The following KCNAB2 variants were observed in gnomAD, a reference collection of about 807,000 sequenced individuals.
KCNAB2 encodes potassium voltage-gated channel subfamily A regulatory beta subunit 2.
KCNAB2 carries 29 observed loss-of-function variants against 63.6 expected under a neutral mutation model. The ratio of observed to expected loss-of-function variants is 0.46; its 90% CI spans 0.34 to 0.62. The LOEUF (loss-of-function observed/expected upper bound fraction) is 0.62. KCNAB2 is among the 20% of genes least tolerant of loss of function. KCNAB2 has a pLI of 0.01. For synonymous variants in KCNAB2, 222 were observed against 224.2 expected (o/e 0.99, Z 0.09); for missense variants, 359 against 563.9 (o/e 0.64, Z 3.68).
At chr1:6,098,329 C>T in intron 15 of KCNAB2, 156 bp from the exon 16 acceptor site, 5 of 1,438,474 alleles carry the variant, frequency 3.5e-6, no homozygotes, top group Non-Finnish European at 2.7e-6. Flanking sequence ...AACACAAAAG[C>T]AGCGTGGCCT....
Position 6,065,337 on chromosome 1 carries a change from G to A in KCNAB2, c.219-7418G>A, listed in dbSNP as rs568033638. Among the ~76,000 whole-genome samples the A allele has an allele frequency of 7.2e-5, 11 of 152,346 alleles. No individual in the cohort carries two copies. In the East Asian group the frequency reaches 1.2e-3, roughly 16 times the overall value. On this transcript the variant is annotated intron_variant, in intron 2 of 15. Coordinates refer to ENST00000378083, the MANE Select transcript of KCNAB2 (RefSeq NM_001199862.2). ...CCTCAGGGGACCAGCCAAGGCAGGC[G>A]GCTTGTGCATCCTGCTTCATTAATA...
intron 1 of KCNAB2, among the ~76,000 whole-genome samples, chr1:6,008,677 T>C (rs1333465245): frequency 6.7e-6 from 1 of 149,934 alleles, no homozygotes; most frequent in South Asian, 2.1e-4. Flanking sequence ...GAAATGCTCC[T>C]GGTATCAACA....
rs935314199 is a variant in KCNAB2, at chr1:6,100,014, G to C, written c.*1440G>C. 1.2e-5 allele frequency: 18 copies of C among 1,536,630 alleles called. No homozygotes were observed. The highest frequency in any genetic ancestry group is 1.6e-5 in the Non-Finnish European group (18 of 1,139,920). ...CTGAAGCCACCCCCACCCCTCGCCA[G>C]CTAGCTCCATAGGGAAGCCTGTGTC... On this transcript the variant is annotated 3_prime_UTR_variant, in exon 16 of 16. Coordinates refer to ENST00000378083, the MANE Select transcript of KCNAB2 (RefSeq NM_001199862.2).
At position 6,098,131 on chromosome 1, in the gene KCNAB2, G is replaced by A. The variant is rs1020662397; in HGVS notation, c.1159-354G>A. On this transcript the variant is annotated intron_variant, in intron 15 of 15. Transcript: ENST00000378083. ...CGGGTGTGTCACCCGGAAGGGTGGC[G>A]GTGCTGTATGCTGAGGCAGGCGCAG... 2.5e-5 allele frequency: 26 copies of A among 1,028,566 alleles called. No individual in the cohort carries two copies. The South Asian group carries it at 2.7e-4, about 11-fold the overall frequency. The allele number at this position is 1,028,566 out of a possible 1,614,324, so 63.7% of individuals were successfully genotyped here.
In KCNAB2 at chr1:6,073,697, C is replaced by T. The variant is rs767683221; in HGVS notation, c.263-36C>T. 2.5e-6 allele frequency: 4 copies of T among 1,612,204 alleles called. No homozygotes were observed. The highest frequency in any genetic ancestry group is 3.4e-6 in the Non-Finnish European group (4 of 1,178,366). Reference sequence around the variant, plus strand: ...CCGACGGGATAATCTGGCTTCCTGCCAGGTTCCTAACTTGAGCCCCTGTGT... The same window carrying T: ...CCGACGGGATAATCTGGCTTCCTGCTAGGTTCCTAACTTGAGCCCCTGTGT... On this transcript the variant is annotated intron_variant, in intron 3 of 15. Coordinates refer to ENST00000378083, the MANE Select transcript of KCNAB2 (RefSeq NM_001199862.2). This position sits in a 1 kb window ranked among gnomAD's most constrained non-coding sequence, Gnocchi z 5.7.
At chr1:6,080,630 G>A (rs755539699) in intron 4 of KCNAB2, among the ~76,000 whole-genome samples, 20 of 152,092 alleles carry the variant, frequency 1.3e-4, no homozygotes, top group Non-Finnish European at 2.2e-4. Flanking sequence ...TGCCAGTGTC[G>A]CCAGGCTGCC....
intron 2 of KCNAB2, among the ~76,000 whole-genome samples, chr1:6,054,038 G>A (rs1315246229): frequency 7.6e-6 from 1 of 131,334 alleles, no homozygotes; most frequent in Admixed American, 8.2e-5. Flanking sequence ...GTGAGACCCT[G>A]TCTTAAAAAA....
chr1:6,019,758 T>G (rs974412519), intron 1 of KCNAB2, among the ~76,000 whole-genome samples: 4 of 152,180 alleles, frequency 2.6e-5, no homozygotes, highest in Admixed American at 6.5e-5. Flanking sequence ...TATTCATGGC[T>G]TAAGTCAGAA....
At chr1:6,089,490 G>A (rs1041171657) in intron 8 of KCNAB2, among the ~76,000 whole-genome samples, 2 of 152,212 alleles carry the variant, frequency 1.3e-5, no homozygotes, top group Admixed American at 1.3e-4. Context: ...GGGGTGTCTG[G>A]CTCTTGCTGT....
intron 10 of KCNAB2, among the ~76,000 whole-genome samples, chr1:6,093,013 C>T (rs978402664): frequency 4.6e-5 from 7 of 152,230 alleles, no homozygotes; most frequent in African/African-American, 9.6e-5. Context: ...ACTCAGGGAG[C>T]GACCCCCAAA....
Position 6,028,219 on chromosome 1 carries a change from C to T in KCNAB2, c.-52-12298C>T, listed in dbSNP as rs1659336773. 6.6e-6 allele frequency among the ~76,000 whole-genome samples: 1 copy of T among 152,192 alleles called. No homozygotes were observed. The highest frequency in any genetic ancestry group is 2.1e-4 in the South Asian group (1 of 4,826). On this transcript the variant is annotated intron_variant, in intron 1 of 16. Coordinates refer to the KCNAB2 transcript ENST00000341524. The surrounding 1 kb of genome is among the most constrained non-coding windows in gnomAD (Gnocchi z 4.0). ...AATGGGCTCCTGTGTGGGCTCCTGGCTTCTGGGTGAGAGGGGAAGTGTGTG... is the reference window on the plus strand; with the variant it reads ...AATGGGCTCCTGTGTGGGCTCCTGGTTTCTGGGTGAGAGGGGAAGTGTGTG...
chr1:6,090,311 A>C, intron 8 of KCNAB2, 78 bp from the exon 9 acceptor site: 1 of 1,002,290 alleles, frequency 1.0e-6, no homozygotes, highest in Admixed American at 2.1e-5. Flanking sequence ...TTGTTCCCTG[A>C]GCCGGGCATG....
intron 12 of KCNAB2, 26 bp downstream of exon 12, chr1:6,095,469 C>G: frequency 6.2e-7 from 1 of 1,611,538 alleles, no homozygotes; most frequent in Non-Finnish European, 8.5e-7. Flanking sequence ...CCCCTCGCCC[C>G]GCCCCACCCC....
At position 6,069,067 on chromosome 1, in the gene KCNAB2, C is replaced by T. The variant is rs1034208432; in HGVS notation, c.219-3688C>T. On this transcript the variant is annotated intron_variant, in intron 2 of 15. Coordinates refer to ENST00000378083, the MANE Select transcript of KCNAB2 (RefSeq NM_001199862.2). This position sits in a 1 kb window ranked among gnomAD's most constrained non-coding sequence, Gnocchi z 5.4. Reference sequence around the variant, plus strand: ...CCCAACATCGTCCCAAACAAGCACTCCCTGGGACCCTGCCACTGCCAGCTC... The same window carrying T: ...CCCAACATCGTCCCAAACAAGCACTTCCTGGGACCCTGCCACTGCCAGCTC... 3.3e-5 allele frequency among the ~76,000 whole-genome samples: 5 copies of T among 152,186 alleles called. No individual in the cohort carries two copies. Among genetic ancestry groups the T allele is most frequent in the African/African-American group, 9.6e-5 (4 of 41,454 alleles).
In KCNAB2 at chr1:6,090,489, G is replaced by A. The variant is rs768449882; in HGVS notation, c.601+14G>A. ...CCCCGATGGAAGGTAGGTGGTCTGC[G>A]GCGGCGCCACCGGTTAGGCCTGGGC... On this transcript the variant is annotated intron_variant, in intron 9 of 15. Transcript: ENST00000378083. 10 of 1,606,176 alleles carry A rather than the reference G, an allele frequency of 6.2e-6. No homozygotes were observed. Among genetic ancestry groups the A allele is most frequent in the Middle Eastern group, 1.7e-4 (1 of 5,894 alleles).
intron 1 of KCNAB2, among the ~76,000 whole-genome samples, chr1:5,998,739 C>T (rs1317207357): frequency 2.0e-5 from 3 of 152,196 alleles, no homozygotes; most frequent in Non-Finnish European, 2.9e-5. Context: ...CCAGGAGCAG[C>T]GAGGGGGCGC....
chr1:6,029,213 G>T (rs770023520), intron 1 of KCNAB2, among the ~76,000 whole-genome samples: 5 of 151,004 alleles, frequency 3.3e-5, no homozygotes, highest in Non-Finnish European at 7.4e-5. Context: ...AACCCAGGAG[G>T]CAGAGGCTGC....
At chr1:6,042,838 T>TCCC (rs1421391853), upstream of KCNAB2, among the ~76,000 whole-genome samples, 98 of 12,276 alleles carry the variant, frequency 8.0e-3, no homozygotes, top group South Asian at 0.016. Context: ...GCGCCCCCAC[T>TCCC]CCCCACCCCC....
At chr1:6,025,332 T>C (rs1295105) in intron 1 of KCNAB2, among the ~76,000 whole-genome samples, 147,072 of 152,218 alleles carry the variant, frequency 0.97, 71,091 homozygotes, top group East Asian at 1. Context: ...TGCAGGTGGC[T>C]GGCACCATGG....
Sources: allele counts gnomAD v4.1 joint callset (sites outside exome capture counted in the v4.1 genomes callset), GRCh38; gene constraint gnomAD v4.1.1; non-coding constraint Gnocchi (gnomAD v3.1); transcripts MANE v1.5; gene names NCBI Gene and HGNC (gene_info 2026-07-23, HGNC 2026-07-21).